The following PLCH1 variants were observed in gnomAD, a reference collection of about 807,000 sequenced individuals.
The protein encoded by PLCH1 is 1-phosphatidylinositol 4,5-bisphosphate phosphodiesterase eta-1.
PLCH1 carries 60 observed loss-of-function variants against 126.7 expected under a neutral mutation model. That is an observed-to-expected ratio of 0.47 (90% CI 0.38 to 0.59). The LOEUF (loss-of-function observed/expected upper bound fraction) is 0.59. PLCH1 is among the 20% of genes least tolerant of loss of function. The pLI is 0.00. For missense variants in PLCH1, 1,723 were observed against 2,040.0 expected (o/e 0.84, Z 2.99); for synonymous variants, 719 against 734.9 (o/e 0.98, Z 0.35).
chr3:155,646,535 A>G (rs1228339446), intron 2 of PLCH1, among the ~76,000 whole-genome samples: 1 of 152,216 alleles, frequency 6.6e-6, no homozygotes, highest in Non-Finnish European at 1.5e-5. Flanking sequence ...TTATCTTTAA[A>G]AAGTATGTGA....
chr3:155,543,996 C>T (rs1419137510), intron 10 of PLCH1, among the ~76,000 whole-genome samples: 1 of 151,584 alleles, frequency 6.6e-6, no homozygotes, highest in Non-Finnish European at 1.5e-5. Flanking sequence ...AGCAAATAAC[C>T]AGCTAACATC....
intron 8 of PLCH1, among the ~76,000 whole-genome samples, chr3:155,560,969 G>T (rs930333346): frequency 6.6e-6 from 1 of 152,020 alleles, no homozygotes; most frequent in African/African-American, 2.4e-5. Context: ...AATCACAGAA[G>T]ATTTAGATAT....
chr3:155,705,651 G>A (rs1746604798), intron 1 of PLCH1, among the ~76,000 whole-genome samples: 1 of 152,128 alleles, frequency 6.6e-6, no homozygotes, highest in African/African-American at 2.4e-5. Context: ...TTTGTTTATA[G>A]TTAGCAAAAT....
chr3:155,597,982 G>A (rs906448458), intron 2 of PLCH1, among the ~76,000 whole-genome samples: 3 of 152,000 alleles, frequency 2.0e-5, no homozygotes, highest in African/African-American at 4.8e-5. Context: ...TCAGGAGCTC[G>A]AGACCAGCCT....
intron 12 of PLCH1, among the ~76,000 whole-genome samples, chr3:155,504,856 G>A (rs760258537): frequency 2.7e-4 from 41 of 152,268 alleles, no homozygotes; most frequent in Non-Finnish European, 2.8e-4. Context: ...CAGCCAGGAC[G>A]CAGCAGCTGC....
intron 21 of PLCH1, among the ~76,000 whole-genome samples, chr3:155,469,144 C>T (rs1432172003): frequency 6.6e-6 from 1 of 152,198 alleles, no homozygotes; most frequent in Non-Finnish European, 1.5e-5. Flanking sequence ...CGGGTGATTT[C>T]TGCATTTCCA....
chr3:155,554,436 T>C (rs1204262166), intron 8 of PLCH1, among the ~76,000 whole-genome samples: 2 of 152,208 alleles, frequency 1.3e-5, no homozygotes, highest in African/African-American at 4.8e-5. Flanking sequence ...AAAGATGTCA[T>C]ATTCTTAAAC....
intron 8 of PLCH1, among the ~76,000 whole-genome samples, chr3:155,555,580 C>A (rs1726719683): frequency 6.6e-6 from 1 of 152,200 alleles, no homozygotes; most frequent in Non-Finnish European, 1.5e-5. Flanking sequence ...GTTAAAAGGA[C>A]AATGTTGCCT....
intron 2 of PLCH1, among the ~76,000 whole-genome samples, chr3:155,650,720 T>C (rs1479551329): frequency 6.6e-6 from 1 of 152,172 alleles, no homozygotes; most frequent in Non-Finnish European, 1.5e-5. Flanking sequence ...ATATAGACTA[T>C]GTGTAGAAGA....
intron 6 of PLCH1, among the ~76,000 whole-genome samples, chr3:155,571,166 T>C (rs1729173437): frequency 6.6e-6 from 1 of 152,132 alleles, no homozygotes; most frequent in Non-Finnish European, 1.5e-5. Context: ...TCAGAAGGGG[T>C]AAACAATTAT....
chr3:155,541,816 T>TCACACACA (rs111762149), intron 10 of PLCH1, among the ~76,000 whole-genome samples: 4 of 150,268 alleles, frequency 2.7e-5, no homozygotes, highest in African/African-American at 7.3e-5. Context: ...CTTCAATTTG[T>TCACACACA]TACACACACA....
In PLCH1 at chr3:155,482,251, TG is replaced by T; in HGVS notation, c.3774del (p.Thr1259ProfsTer34). On this transcript the variant is annotated frameshift_variant, in exon 23 of 23. Transcript: ENST00000460012. LOFTEE classifies it low-confidence loss of function (END_TRUNC). Reference sequence around the variant, plus strand: ...TAAACTGTGTTCGTTGCATGTTTGGTGGTCTCAGAACTCGAGAGTGCTATCA... The same window carrying T: ...TAAACTGTGTTCGTTGCATGTTTGGTGTCTCAGAACTCGAGAGTGCTATCA... ...PELIALSSSE[T>X]TKHATNTVYE... 6.2e-7 allele frequency: 1 copy of T among 1,614,170 alleles called. No individual in the cohort carries two copies. The highest frequency in any genetic ancestry group is 8.5e-7 in the Non-Finnish European group (1 of 1,180,018).
chr3:155,675,758 A>G (rs1440070999), intron 2 of PLCH1, among the ~76,000 whole-genome samples: 1 of 152,226 alleles, frequency 6.6e-6, no homozygotes, highest in Non-Finnish European at 1.5e-5. Context: ...ATATAATGAT[A>G]TACTTTCAGT....
chr3:155,662,233 C>T (rs773148633), intron 2 of PLCH1, among the ~76,000 whole-genome samples: 8 of 152,074 alleles, frequency 5.3e-5, no homozygotes, highest in Non-Finnish European at 8.8e-5. Context: ...TGGGAGAATC[C>T]TTTGAGGCCA....
intron 15 of PLCH1, among the ~76,000 whole-genome samples, chr3:155,496,475 A>C (rs535249166): frequency 6.6e-5 from 10 of 152,186 alleles, no homozygotes; most frequent in Non-Finnish European, 1.2e-4. Flanking sequence ...AAGGGAAGAA[A>C]TCTTTCTGCA....
chr3:155,468,867 A>G (rs1336836188), intron 21 of PLCH1, among the ~76,000 whole-genome samples: 2 of 152,182 alleles, frequency 1.3e-5, no homozygotes, highest in Non-Finnish European at 2.9e-5. Flanking sequence ...GATCTTCCAG[A>G]TAGAAAATCA....
intron 21 of PLCH1, among the ~76,000 whole-genome samples, chr3:155,471,268 G>A (rs1214445121): frequency 2.0e-5 from 3 of 152,230 alleles, no homozygotes; most frequent in Non-Finnish European, 2.9e-5. Flanking sequence ...AAAGGCAGGG[G>A]TTGCAATCCT....
intron 2 of PLCH1, among the ~76,000 whole-genome samples, chr3:155,683,897 T>C (rs1383273527): frequency 6.6e-6 from 1 of 152,200 alleles, no homozygotes; most frequent in African/African-American, 2.4e-5. Context: ...GAGGTGGAGC[T>C]GGATGACTAG....
At chr3:155,583,749 G>T in intron 5 of PLCH1, 107 bp from the exon 6 acceptor site, 1 of 695,300 alleles carries the variant, frequency 1.4e-6, no homozygotes, top group Non-Finnish European at 2.2e-6. Flanking sequence ...AATCCCAAGA[G>T]GTGAGCACAC....
Sources: allele counts gnomAD v4.1 joint callset (sites outside exome capture counted in the v4.1 genomes callset), GRCh38; gene constraint gnomAD v4.1.1; transcripts MANE v1.5; gene names NCBI Gene and HGNC (gene_info 2026-07-23, HGNC 2026-07-21).